Variants in PBX1 observed in about 807,000 individuals in gnomAD.
The protein encoded by PBX1 is pre-B-cell leukemia transcription factor 1.
Under a neutral mutation model 53.4 loss-of-function variants are expected in PBX1, and 6 were observed. The observed-to-expected ratio is 0.11, with a 90% confidence interval of 0.06 to 0.22. The LOEUF is 0.22. PBX1 is among the 10% of genes least tolerant of loss of function. The pLI, the probability that PBX1 is intolerant of heterozygous loss-of-function variation, is 1.00. For synonymous variants in PBX1, 204 were observed against 212.3 expected, an observed-to-expected ratio of 0.96 and a Z score of 0.34; for missense variants, 251 against 551.4, an observed-to-expected ratio of 0.46 and a Z score of 5.46.
At chr1:164,862,181 A>G (rs1286962628) in intron 2 of PBX1, among the ~76,000 whole-genome samples, 1 of 152,200 alleles carries the variant, frequency 6.6e-6, no homozygotes, top group Non-Finnish European at 1.5e-5. Context: ...GCAGAAGTTG[A>G]TAGTGTGAGG....
chr1:164,616,123 C>T (rs537833114), intron 2 of PBX1, among the ~76,000 whole-genome samples: 199 of 152,310 alleles, frequency 1.3e-3, no homozygotes, highest in African/African-American at 4.5e-3. Flanking sequence ...CTCTCTCCAC[C>T]TCTGGAGTGG....
intron 2 of PBX1, chr1:164,787,866 CT>C (rs2102290756): frequency 6.6e-6 from 1 of 152,402 alleles, no homozygotes; most frequent in African/African-American, 2.4e-5. Context: ...GAAGGAAACT[CT>C]TTCTGTAAGA....
chr1:164,772,409 A>G (rs1035058230), intron 2 of PBX1, among the ~76,000 whole-genome samples: 1 of 152,234 alleles, frequency 6.6e-6, no homozygotes, highest in Non-Finnish European at 1.5e-5. Context: ...CAGATATCAC[A>G]TAGGAAAATA....
intron 2 of PBX1, among the ~76,000 whole-genome samples, chr1:164,577,767 T>A (rs1338698971): frequency 6.6e-6 from 1 of 152,124 alleles, no homozygotes; most frequent in African/African-American, 2.4e-5. Flanking sequence ...ATCTATAAAT[T>A]AATTCCCTCT....
At chr1:164,863,152 C>G (rs1672137851) in intron 2 of PBX1, among the ~76,000 whole-genome samples, 1 of 152,236 alleles carries the variant, frequency 6.6e-6, no homozygotes, top group African/African-American at 2.4e-5. Context: ...CCCTTCTCTT[C>G]CTTCAGACAC....
chr1:164,739,785 G>C (rs966378367), intron 2 of PBX1, among the ~76,000 whole-genome samples: 110 of 142,372 alleles, frequency 7.7e-4, no homozygotes, highest in Middle Eastern at 3.8e-3. Flanking sequence ...GTGTGTGTGT[G>C]TGTGTATGTA....
chr1:164,560,862 A>T (rs1652990622), intron 1 of PBX1, among the ~76,000 whole-genome samples: 1 of 152,208 alleles, frequency 6.6e-6, no homozygotes, highest in Admixed American at 6.5e-5. Context: ...TTTCAGGACC[A>T]CTTAGAAATG....
At chr1:164,661,953 A>G (rs1366878922) in intron 2 of PBX1, among the ~76,000 whole-genome samples, 1 of 152,194 alleles carries the variant, frequency 6.6e-6, no homozygotes. Context: ...TCAATTGCCT[A>G]AATGTTTTCT....
chr1:164,871,568 G>C (rs1255876282), intron 2 of PBX1, among the ~76,000 whole-genome samples: 1 of 152,194 alleles, frequency 6.6e-6, no homozygotes, highest in Non-Finnish European at 1.5e-5. Flanking sequence ...GCCCCATCAT[G>C]GACAGGTGGG....
chr1:164,873,221 G>A (rs1672424409), intron 2 of PBX1, among the ~76,000 whole-genome samples: 1 of 152,310 alleles, frequency 6.6e-6, no homozygotes, highest in South Asian at 2.1e-4. Flanking sequence ...ATCAGTACAG[G>A]ACAGGATCAG....
At position 164,792,875 on chromosome 1, in the gene PBX1, GC is replaced by G; in HGVS notation, c.510+139del. 17 of 687,338 alleles carry G rather than the reference GC, an allele frequency of 2.5e-5. No individual in the cohort carries two copies. The South Asian group carries it at 3.4e-4, about 14-fold the overall frequency. The allele number at this position is 687,338 out of a possible 1,614,324, so 42.6% of individuals were successfully genotyped here. A position where few individuals can be genotyped will look rare whatever the true frequency, so the allele number is the denominator to read the frequency against. ...CCCTGTGCCCGGCATCCCCTGCCCA[GC>G]CACAGAGCCCTGGCCAAACTTGAGT... On this transcript the variant is annotated intron_variant, in intron 3 of 8. Coordinates refer to ENST00000420696, the MANE Select transcript of PBX1 (RefSeq NM_002585.4).
At chr1:164,627,184 T>G (rs1306802367) in intron 2 of PBX1, among the ~76,000 whole-genome samples, 1 of 152,152 alleles carries the variant, frequency 6.6e-6, no homozygotes, top group Non-Finnish European at 1.5e-5. Flanking sequence ...TCCACTCACC[T>G]AATTGAAAAT....
At chr1:164,616,653 C>T (rs1657299926) in intron 2 of PBX1, among the ~76,000 whole-genome samples, 1 of 152,050 alleles carries the variant, frequency 6.6e-6, no homozygotes. Flanking sequence ...CTGATAAATA[C>T]AAGGTAAGAA....
intron 8 of PBX1, among the ~76,000 whole-genome samples, chr1:164,844,026 G>A (rs531970880): frequency 2.0e-5 from 3 of 151,754 alleles, no homozygotes; most frequent in Non-Finnish European, 4.4e-5. Context: ...TGACATGTAC[G>A]CTCACTGCTT....
intron 2 of PBX1, among the ~76,000 whole-genome samples, chr1:164,602,850 AAAC>A (rs1387124286): frequency 1.3e-5 from 2 of 152,198 alleles, no homozygotes; most frequent in Non-Finnish European, 2.9e-5. Flanking sequence ...GTTTGCCGTT[AAAC>A]GGTTGTAAAT....
chr1:164,569,491 C>A (rs1360246768), intron 2 of PBX1, among the ~76,000 whole-genome samples: 1 of 151,602 alleles, frequency 6.6e-6, no homozygotes, highest in African/African-American at 2.4e-5. Flanking sequence ...AAAGCCAATT[C>A]CAAGACTCTG....
At chr1:164,631,276 T>C (rs547305189) in intron 2 of PBX1, among the ~76,000 whole-genome samples, 2 of 149,052 alleles carry the variant, frequency 1.3e-5, no homozygotes, top group African/African-American at 2.5e-5. Flanking sequence ...AGTGAGAGAG[T>C]TTTTTTTTTC....
chr1:164,866,646 T>C (rs1056188419), intron 2 of PBX1, among the ~76,000 whole-genome samples: 1 of 152,182 alleles, frequency 6.6e-6, no homozygotes, highest in African/African-American at 2.4e-5. Context: ...CCAGTCAGAG[T>C]AACTGTAACC....
At chr1:164,759,775 A>G (rs890078473) in intron 2 of PBX1, among the ~76,000 whole-genome samples, 1 of 152,162 alleles carries the variant, frequency 6.6e-6, no homozygotes. Context: ...ACACGTAAGG[A>G]GTACAAAATT....
Sources: allele counts gnomAD v4.1 joint callset (sites outside exome capture counted in the v4.1 genomes callset), GRCh38; gene constraint gnomAD v4.1.1; transcripts MANE v1.5; gene names NCBI Gene and HGNC (gene_info 2026-07-23, HGNC 2026-07-21).